HK1: variants seen among roughly 807,000 people sequenced by gnomAD.
HK1 encodes the protein hexokinase-1.
HK1 carries 28 observed loss-of-function variants against 91.6 expected under a neutral mutation model. That is an observed-to-expected ratio of 0.31 (90% CI 0.23 to 0.42). The LOEUF (loss-of-function observed/expected upper bound fraction) is 0.42. Among genes scored for constraint, HK1 ranks in the 10% least tolerant of loss-of-function variants. The pLI, the probability that HK1 is intolerant of heterozygous loss-of-function variation, is 1.00. For synonymous variants in HK1, 430 were observed against 468.1 expected (o/e 0.92, Z 1.05); for missense variants, 770 against 1,219.8 (o/e 0.63, Z 5.49).
chr10:69,372,739 G>A (rs139004961), intron 7 of HK1, among the ~76,000 whole-genome samples: 25 of 152,170 alleles, frequency 1.6e-4, no homozygotes, highest in Non-Finnish European at 2.2e-4. Context: ...GTTACATAGC[G>A]GTCTTTTAAA....
intron 2 of HK1, among the ~76,000 whole-genome samples, chr10:69,359,402 C>T (rs1261408074): frequency 6.6e-6 from 1 of 152,088 alleles, no homozygotes; most frequent in Non-Finnish European, 1.5e-5. Context: ...GTGTATGTTA[C>T]CACAATAATA....
intron 10 of HK1, among the ~76,000 whole-genome samples, chr10:69,383,415 T>C (rs920933982): frequency 1.3e-5 from 2 of 152,206 alleles, no homozygotes; most frequent in African/African-American, 2.4e-5. Flanking sequence ...AGCTGATCAT[T>C]ATGGGGAATC....
chr10:69,321,422 C>T (rs1847018862), intron 1 of HK1, among the ~76,000 whole-genome samples: 3 of 152,188 alleles, frequency 2.0e-5, no homozygotes, highest in Admixed American at 6.5e-5. Context: ...GGTGAAGGTG[C>T]GGGACCCCCT....
At chr10:69,388,502 G>A (rs1458754811) in intron 13 of HK1, among the ~76,000 whole-genome samples, 2 of 152,028 alleles carry the variant, frequency 1.3e-5, no homozygotes, top group Admixed American at 1.3e-4. Context: ...AACTATTAGT[G>A]TTAATTCTTC....
At chr10:69,352,825 T>A (rs1848945205) in intron 2 of HK1, among the ~76,000 whole-genome samples, 1 of 152,194 alleles carries the variant, frequency 6.6e-6, no homozygotes, top group Admixed American at 6.5e-5. Flanking sequence ...TCTGTAAATA[T>A]GCTGAAAACC....
chr10:69,299,364 T>TTTTG (rs1413969924), intron 4 of HK1, among the ~76,000 whole-genome samples: 1 of 148,798 alleles, frequency 6.7e-6, no homozygotes, highest in African/African-American at 2.5e-5. Context: ...TGGTTTTTGT[T>TTTTG]TGTTTGTTTG....
intron 3 of HK1, 57 bp downstream of exon 3, chr10:69,360,102 C>A: frequency 8.5e-6 from 13 of 1,533,970 alleles, no homozygotes; most frequent in Non-Finnish European, 9.9e-6. Context: ...TTGGTTACCT[C>A]CAGGAACCAG....
At chr10:69,392,335 TCA>T in intron 15 of HK1, 27 bp downstream of exon 15, 1 of 1,613,026 alleles carries the variant, frequency 6.2e-7, no homozygotes, top group Non-Finnish European at 8.5e-7. Context: ...GAGAGGACAC[TCA>T]CAGTCAGGGT....
chr10:69,333,983 C>T (rs1259806309), intron 1 of HK1, among the ~76,000 whole-genome samples: 5 of 152,002 alleles, frequency 3.3e-5, no homozygotes, highest in Admixed American at 6.6e-5. Context: ...TGGTGGTGTG[C>T]GCCTGTAGTC....
At chr10:69,383,170 C>CA (rs987855721) in intron 10 of HK1, among the ~76,000 whole-genome samples, 1 of 151,704 alleles carries the variant, frequency 6.6e-6, no homozygotes, top group African/African-American at 2.4e-5. Flanking sequence ...GACCCTGTCT[C>CA]AAAAAAAATT....
intron 1 of HK1, among the ~76,000 whole-genome samples, chr10:69,334,837 A>G (rs1274100322): frequency 6.6e-6 from 1 of 152,142 alleles, no homozygotes; most frequent in East Asian, 1.9e-4. Context: ...CGACTCCTAC[A>G]TAGTGAACAC....
intron 8 of HK1, among the ~76,000 whole-genome samples, chr10:69,378,084 A>G (rs1401969795): frequency 6.6e-6 from 1 of 152,184 alleles, no homozygotes; most frequent in Non-Finnish European, 1.5e-5. Context: ...AGTTTGTTGT[A>G]TGATCACTCT....
chr10:69,287,454 G>C lies in HK1; in HGVS notation c.-214-1217G>C, dbSNP rs114156333. The stretch of plus-strand genomic sequence containing the variant: ...TAATTCAAAATGAGATGTGGGTTGG[G>C]ACACAAAGCCTAACCATATCACACA... On this transcript the variant is annotated intron_variant, in intron 2 of 21. Transcript: ENST00000360289. Among the ~76,000 whole-genome samples, 391 of 152,286 alleles carry C rather than the reference G, an allele frequency of 2.6e-3. 1 individual carries two copies. The highest frequency in any genetic ancestry group is 9.0e-3 in the African/African-American group (372 of 41,560).
intron 7 of HK1, among the ~76,000 whole-genome samples, chr10:69,375,344 A>G (rs949179600): frequency 6.6e-6 from 1 of 152,216 alleles, no homozygotes; most frequent in Admixed American, 6.5e-5. Context: ...TAGGGAGGCC[A>G]GGGTGAGTAG....
chr10:69,385,222 CAGTT>C (rs1195438121), intron 12 of HK1, among the ~76,000 whole-genome samples: 3 of 152,002 alleles, frequency 2.0e-5, no homozygotes, highest in East Asian at 3.8e-4. Flanking sequence ...ACTTCTTACA[CAGTT>C]AGTTCTTAGT....
intron 4 of HK1, chr10:69,295,825 C>T: frequency 1.5e-6 from 1 of 687,898 alleles, no homozygotes; most frequent in South Asian, 1.6e-5. Context: ...GTATTGACCT[C>T]CAACTTGCTC....
At chr10:69,298,137 G>A (rs11819094) in intron 4 of HK1, among the ~76,000 whole-genome samples, 3,266 of 151,326 alleles carry the variant, frequency 0.022, 212 homozygotes, top group African/African-American at 0.074. Context: ...CTTGAACCCA[G>A]GAGGCGGAGG....
chr10:69,372,979 C>T (rs1172689638), intron 7 of HK1, among the ~76,000 whole-genome samples: 1 of 152,164 alleles, frequency 6.6e-6, no homozygotes, highest in African/African-American at 2.4e-5. Flanking sequence ...ACGTGATTCT[C>T]CTGCCTCAGC....
intron 1 of HK1, among the ~76,000 whole-genome samples, chr10:69,282,087 A>G (rs1844782090): frequency 6.6e-6 from 1 of 152,206 alleles, no homozygotes; most frequent in Non-Finnish European, 1.5e-5. Flanking sequence ...CAGCTCTGCT[A>G]CTGTTGCATT....
Sources: allele counts gnomAD v4.1 joint callset (sites outside exome capture counted in the v4.1 genomes callset), GRCh38; gene constraint gnomAD v4.1.1; transcripts MANE v1.5; gene names NCBI Gene and HGNC (gene_info 2026-07-23, HGNC 2026-07-21).